DENND1A: variants seen among roughly 807,000 people sequenced by gnomAD.
DENND1A encodes the protein DENN domain containing 1A, also known as DENN domain-containing protein 1A.
A neutral mutation model predicts 113.7 loss-of-function variants in DENND1A; 51 were observed. The observed-to-expected ratio is 0.45, with a 90% CI of 0.36 to 0.57. The LOEUF (loss-of-function observed/expected upper bound fraction) is 0.57, where lower values mean the gene tolerates loss of function less well. DENND1A is among the 20% of genes least tolerant of loss of function. The pLI, the probability that DENND1A is intolerant of heterozygous loss-of-function variation, is 0.00. For synonymous variants in DENND1A, 565 were observed against 570.8 expected (o/e 0.99, Z 0.14); for missense variants, 1,258 against 1,395.9 (o/e 0.90, Z 1.57).
intron 12 of DENND1A, among the ~76,000 whole-genome samples, chr9:123,579,068 G>A (rs2058760147): frequency 6.6e-6 from 1 of 152,184 alleles, no homozygotes; most frequent in African/African-American, 2.4e-5. Flanking sequence ...GAGAACTACA[G>A]CTATGGAGAA....
At chr9:123,641,126 GA>G (rs1439898647) in intron 9 of DENND1A, among the ~76,000 whole-genome samples, 1 of 152,188 alleles carries the variant, frequency 6.6e-6, no homozygotes, top group African/African-American at 2.4e-5. Flanking sequence ...TCAGTCTGCA[GA>G]AACAACACAG....
At chr9:123,747,128 G>C (rs1461648888) in intron 5 of DENND1A, among the ~76,000 whole-genome samples, 2 of 151,944 alleles carry the variant, frequency 1.3e-5, no homozygotes. Flanking sequence ...AAAAAAATCA[G>C]TCAGTCATCC....
At chr9:123,636,958 TG>T (rs1378474636) in intron 9 of DENND1A, among the ~76,000 whole-genome samples, 1 of 152,200 alleles carries the variant, frequency 6.6e-6, no homozygotes, top group Non-Finnish European at 1.5e-5. Flanking sequence ...CAAAAGTGCC[TG>T]GATTATAGGC....
At chr9:123,749,010 A>G (rs146513679) in intron 5 of DENND1A, among the ~76,000 whole-genome samples, 2,245 of 152,320 alleles carry the variant, frequency 0.015, 66 homozygotes, top group African/African-American at 0.05. Context: ...GATGCTAACC[A>G]AAAGGGAATG....
intron 22 of DENND1A, 65 bp downstream of exon 22, chr9:123,387,665 T>G: frequency 8.9e-6 from 11 of 1,236,490 alleles, no homozygotes; most frequent in Non-Finnish European, 9.5e-6. Flanking sequence ...GCCCCCCGCT[T>G]TCGCCATGCA....
At position 123,411,795 on chromosome 9, in the gene DENND1A, T is replaced by C. The variant is rs2044325759; in HGVS notation, c.1523A>G (p.Lys508Arg). The C allele has an allele frequency of 3.0e-6, 3 of 985,784 alleles. No individual in the cohort carries two copies. The highest frequency in any genetic ancestry group is 3.5e-5 in the African/African-American group (2 of 57,194). The allele number at this position is 985,784 out of a possible 1,614,324, so 61.1% of individuals were successfully genotyped here. Residue 508 changes from lysine to arginine, a missense_variant, in exon 20 of 24, where the codon AAG (lysine) becomes AGG (arginine). This residue lies in a region of DENND1A where 1,159 missense variants were observed against 1,231.7 expected (regional missense o/e 0.94). Transcript: ENST00000394215. ...ACTCACGGGCCTCGAGCGCTGTATCTTGGGAGGCGGTCGGGTGGGACGCAG... is the reference window on the plus strand; with the variant it reads ...ACTCACGGGCCTCGAGCGCTGTATCCTGGGAGGCGGTCGGGTGGGACGCAG... ...QRLRPTRPPP[K>R]IQRSRPVRPP...
At chr9:123,787,589 G>A (rs1004599752) in intron 3 of DENND1A, among the ~76,000 whole-genome samples, 4 of 152,154 alleles carry the variant, frequency 2.6e-5, no homozygotes, top group Non-Finnish European at 5.9e-5. Flanking sequence ...CCTCAAGCAT[G>A]AACAGATGAA....
At chr9:123,457,757 G>C (rs1483258199) in intron 14 of DENND1A, 36 bp downstream of exon 14, 1 of 1,566,424 alleles carries the variant, frequency 6.4e-7, no homozygotes, top group South Asian at 1.2e-5. Context: ...TCCCCGCCAG[G>C]GAGCCAGACC....
intron 19 of DENND1A, among the ~76,000 whole-genome samples, chr9:123,433,931 G>C (rs1003231530): frequency 6.6e-6 from 1 of 152,114 alleles, no homozygotes; most frequent in Non-Finnish European, 1.5e-5. Context: ...TCCCTTCCGG[G>C]GACACCTATG....
intron 13 of DENND1A, among the ~76,000 whole-genome samples, chr9:123,489,979 A>G (rs928380045): frequency 2.0e-5 from 3 of 152,234 alleles, no homozygotes; most frequent in Non-Finnish European, 4.4e-5. Context: ...AGCTGGTGAC[A>G]AAAAGGACCA....
intron 2 of DENND1A, among the ~76,000 whole-genome samples, chr9:123,810,584 A>G (rs1033939989): frequency 3.3e-5 from 5 of 150,460 alleles, no homozygotes; most frequent in Non-Finnish European, 7.4e-5. Context: ...CATACTAACG[A>G]AAGCTGATAA....
At chr9:123,414,251 G>C (rs968527592) in intron 19 of DENND1A, 60 of 1,279,676 alleles carry the variant, frequency 4.7e-5, no homozygotes, top group African/African-American at 1.5e-5. Flanking sequence ...GTCCTGTTAG[G>C]AAGATTCAAC....
chr9:123,851,784 C>G (rs1843401678), intron 2 of DENND1A, among the ~76,000 whole-genome samples: 1 of 152,150 alleles, frequency 6.6e-6, no homozygotes, highest in South Asian at 2.1e-4. Flanking sequence ...CTAGCCTGGA[C>G]TGAAAGGAAC....
chr9:123,822,479 T>C (rs1462750421), intron 2 of DENND1A, among the ~76,000 whole-genome samples: 1 of 152,236 alleles, frequency 6.6e-6, no homozygotes, highest in Non-Finnish European at 1.5e-5. Context: ...GGAGCTTTTG[T>C]AGATGCATTT....
At chr9:123,700,295 G>A (rs2065806522) in intron 5 of DENND1A, among the ~76,000 whole-genome samples, 1 of 152,178 alleles carries the variant, frequency 6.6e-6, no homozygotes, top group Admixed American at 6.5e-5. Context: ...AAAAGGCCTG[G>A]TGGTATTATT....
intron 16 of DENND1A, among the ~76,000 whole-genome samples, chr9:123,453,144 T>C (rs999670774): frequency 3.3e-5 from 5 of 152,194 alleles, no homozygotes; most frequent in Non-Finnish European, 5.9e-5. Context: ...GTGAGGGTTC[T>C]GAAGACACCA....
At chr9:123,665,852 C>T (rs2063470718) in intron 8 of DENND1A, among the ~76,000 whole-genome samples, 1 of 152,208 alleles carries the variant, frequency 6.6e-6, no homozygotes, top group Non-Finnish European at 1.5e-5. Context: ...TCTACACCTA[C>T]AATGGAATAT....
chr9:123,422,362 G>T lies in DENND1A; in HGVS notation c.1489-10533C>A, dbSNP rs12348839. ...ACCTACAGGTTTCCTAGCCTAACAG[G>T]TTGAGCCCCAGGGCCATCCCCCAAA... On this transcript the variant is annotated intron_variant, in intron 19 of 23. Coordinates refer to ENST00000394215, the MANE Select transcript of DENND1A (RefSeq NM_001352964.2). The surrounding 1 kb of genome is among the most constrained non-coding windows in gnomAD (Gnocchi z 4.8). Among the ~76,000 whole-genome samples the T allele has an allele frequency of 0.069, 10,438 of 152,256 alleles. 474 individuals are homozygous for T. The highest frequency in any genetic ancestry group is 0.12 in the East Asian group (642 of 5,182).
At chr9:123,745,540 T>C (rs747387591) in intron 5 of DENND1A, among the ~76,000 whole-genome samples, 21 of 152,246 alleles carry the variant, frequency 1.4e-4, no homozygotes, top group Non-Finnish European at 2.4e-4. Flanking sequence ...ATAAAGTTGA[T>C]TGAGCTTAAT....
Sources: allele counts gnomAD v4.1 joint callset (sites outside exome capture counted in the v4.1 genomes callset), GRCh38; gene constraint gnomAD v4.1.1; regional missense constraint gnomAD v4.1.1; non-coding constraint Gnocchi (gnomAD v3.1); transcripts MANE v1.5; gene names NCBI Gene and HGNC (gene_info 2026-07-23, HGNC 2026-07-21).